AKT3: variants seen among roughly 807,000 people sequenced by gnomAD.
AKT3 encodes AKT serine/threonine kinase 3, also known as RAC-gamma serine/threonine-protein kinase.
A neutral mutation model predicts 65.3 loss-of-function variants in AKT3; 15 were observed. The ratio of observed to expected loss-of-function variants is 0.23; its 90% confidence interval spans 0.15 to 0.35. The LOEUF (loss-of-function observed/expected upper bound fraction) is 0.35. Ranked by LOEUF, AKT3 falls within the 10% of genes least tolerant of loss-of-function variation. The pLI, the probability that AKT3 is intolerant of heterozygous loss-of-function variation, is 1.00. For missense variants in AKT3, 243 were observed against 576.5 expected (o/e 0.42, Z 5.92); for synonymous variants, 206 against 183.8 (o/e 1.12, Z -0.98).
intron 6 of AKT3, among the ~76,000 whole-genome samples, chr1:243,631,109 G>A (rs1468109747): frequency 6.6e-6 from 1 of 152,016 alleles, no homozygotes; most frequent in Non-Finnish European, 1.5e-5. Flanking sequence ...GCACTATACT[G>A]TAGTCTATTA....
intron 1 of AKT3, 105 bp downstream of exon 1, chr1:243,849,935 C>T (rs946089344): frequency 1.1e-4 from 96 of 857,894 alleles, no homozygotes; most frequent in Non-Finnish European, 1.3e-4. Context: ...ACCCCGCCGC[C>T]ATCCCCCGCC....
intron 2 of AKT3, among the ~76,000 whole-genome samples, chr1:243,709,492 G>A (rs1686014142): frequency 6.6e-6 from 1 of 151,582 alleles, no homozygotes; most frequent in Admixed American, 6.6e-5. Context: ...CTCCACTCAG[G>A]AACTATGCCA....
intron 8 of AKT3, among the ~76,000 whole-genome samples, chr1:243,601,849 T>C (rs1484676518): frequency 1.3e-5 from 2 of 152,212 alleles, no homozygotes; most frequent in Non-Finnish European, 2.9e-5. Context: ...TTTTGATATT[T>C]AAATACTGTT....
At chr1:243,839,757 T>C (rs868542303) in intron 2 of AKT3, among the ~76,000 whole-genome samples, 3 of 151,648 alleles carry the variant, frequency 2.0e-5, no homozygotes, top group South Asian at 2.1e-4. Context: ...AATTGATGCA[T>C]ATAGTCTTAC....
At position 243,548,480 on chromosome 1, in the gene AKT3, T is replaced by A. The variant is rs149035236; in HGVS notation, c.1164-2883A>T. On this transcript the variant is annotated intron_variant, in intron 11 of 13. Transcript: ENST00000673466. ...GCAAAGTCTGAGAATACAATCAGAC[T>A]TCCATTTTAGAAGCTAGGAGAAATT... Among the ~76,000 whole-genome samples the A allele has an allele frequency of 1.4e-3, 208 of 152,344 alleles. 1 individual carries two copies. The highest frequency in any genetic ancestry group is 4.8e-3 in the African/African-American group (201 of 41,592).
intron 2 of AKT3, among the ~76,000 whole-genome samples, chr1:243,748,900 T>C (rs560087984): frequency 1.2e-4 from 19 of 152,164 alleles, no homozygotes; most frequent in Non-Finnish European, 2.1e-4. Flanking sequence ...GGCAACTCCA[T>C]TGAAGTACTA....
At chr1:243,676,660 A>G (rs1270959409) in intron 3 of AKT3, among the ~76,000 whole-genome samples, 5 of 152,038 alleles carry the variant, frequency 3.3e-5, no homozygotes, top group Admixed American at 1.3e-4. Context: ...TTTTATTTCC[A>G]TATCATCTTC....
intron 2 of AKT3, among the ~76,000 whole-genome samples, chr1:243,781,211 A>G (rs557121954): frequency 2.2e-4 from 33 of 152,242 alleles, no homozygotes; most frequent in Non-Finnish European, 4.4e-4. Context: ...AGTTAACCGT[A>G]GACATTCTTT....
intron 4 of AKT3, among the ~76,000 whole-genome samples, chr1:243,650,011 C>T (rs900728446): frequency 2.0e-5 from 3 of 152,198 alleles, no homozygotes; most frequent in Non-Finnish European, 4.4e-5. Context: ...AATGGTTGAA[C>T]TAATTTACAC....
intron 6 of AKT3, among the ~76,000 whole-genome samples, chr1:243,633,056 A>G (rs1463509578): frequency 6.6e-6 from 1 of 152,210 alleles, no homozygotes; most frequent in African/African-American, 2.4e-5. Flanking sequence ...AGATTATCGA[A>G]GATTTCTCAT....
At chr1:243,765,213 A>G (rs1689740659) in intron 2 of AKT3, among the ~76,000 whole-genome samples, 1 of 152,150 alleles carries the variant, frequency 6.6e-6, no homozygotes, top group Non-Finnish European at 1.5e-5. Flanking sequence ...TTTAAATTTT[A>G]AAAAGAAACA....
intron 11 of AKT3, among the ~76,000 whole-genome samples, chr1:243,547,669 A>G (rs1471191556): frequency 6.6e-6 from 1 of 152,228 alleles, no homozygotes; most frequent in Non-Finnish European, 1.5e-5. Flanking sequence ...AAGCCATCGT[A>G]GGTCAGAAAT....
At chr1:243,767,420 G>A (rs1041657144) in intron 2 of AKT3, among the ~76,000 whole-genome samples, 6 of 152,042 alleles carry the variant, frequency 3.9e-5, no homozygotes, top group African/African-American at 1.4e-4. Context: ...TCACAAAGAT[G>A]AGCATAGACT....
intron 12 of AKT3, among the ~76,000 whole-genome samples, chr1:243,528,342 G>A (rs753110966): frequency 1.2e-4 from 18 of 152,020 alleles, no homozygotes; most frequent in Non-Finnish European, 2.1e-4. Context: ...ATTTTAGGTT[G>A]AGTGGCACAC....
chr1:243,515,312 G>A (rs576550835), intron 12 of AKT3, among the ~76,000 whole-genome samples: 40 of 151,916 alleles, frequency 2.6e-4, no homozygotes, highest in South Asian at 6.2e-4. Flanking sequence ...ATACTAAGGA[G>A]TGGAATGGCT....
At chr1:243,575,626 T>TA (rs1262304179) in intron 8 of AKT3, among the ~76,000 whole-genome samples, 1 of 152,144 alleles carries the variant, frequency 6.6e-6, no homozygotes, top group Non-Finnish European at 1.5e-5. Flanking sequence ...ACTCAGATAT[T>TA]AAAAGTACTT....
intron 2 of AKT3, among the ~76,000 whole-genome samples, chr1:243,712,837 T>C (rs1686246327): frequency 6.6e-6 from 1 of 152,190 alleles, no homozygotes; most frequent in Non-Finnish European, 1.5e-5. Context: ...ATTCCAGATA[T>C]ATCAAATCTC....
intron 2 of AKT3, among the ~76,000 whole-genome samples, chr1:243,716,428 T>C (rs1686517706): frequency 6.6e-6 from 1 of 152,174 alleles, no homozygotes; most frequent in South Asian, 2.1e-4. Context: ...GTATGGGGTA[T>C]TATTAAATAC....
At chr1:243,778,919 T>TC (rs1326500299) in intron 2 of AKT3, among the ~76,000 whole-genome samples, 1 of 141,636 alleles carries the variant, frequency 7.1e-6, no homozygotes, top group Admixed American at 7.0e-5. Context: ...TTCTTCCGAT[T>TC]CTTTTTTTTT....
Sources: gnomAD v4.1 joint callset for allele counts (sites outside exome capture counted in the v4.1 genomes callset) on GRCh38, gnomAD v4.1.1 for gene constraint, MANE v1.5 for transcripts, NCBI Gene and HGNC (gene_info 2026-07-23, HGNC 2026-07-21) for gene names.